PDS5B: variants seen among roughly 807,000 people sequenced by gnomAD.
PDS5B encodes PDS5 cohesin associated factor B, also known as sister chromatid cohesion protein PDS5 homolog B.
In PDS5B, 51 loss-of-function variants were observed where a neutral mutation model predicts 184.1. That is an observed-to-expected ratio of 0.28 (90% CI 0.22 to 0.35). The LOEUF (loss-of-function observed/expected upper bound fraction) is 0.35. Ranked by LOEUF, PDS5B falls within the 10% of genes least tolerant of loss-of-function variation. PDS5B has a pLI of 1.00. For synonymous variants in PDS5B, 566 were observed against 569.2 expected, an observed-to-expected ratio of 0.99 and a Z score of 0.08; for missense variants, 1,180 against 1,723.3, an observed-to-expected ratio of 0.68 and a Z score of 5.58.
chr13:32,762,764 C>A (rs183638343), intron 30 of PDS5B, among the ~76,000 whole-genome samples: 304 of 152,106 alleles, frequency 2.0e-3, no homozygotes, highest in Non-Finnish European at 2.6e-3. Context: ...TCATTTAGTT[C>A]ATTTTCTTTC....
chr13:32,756,246 CT>C (rs1954174473), intron 26 of PDS5B, among the ~76,000 whole-genome samples: 1 of 152,068 alleles, frequency 6.6e-6, no homozygotes, highest in Non-Finnish European at 1.5e-5. Context: ...CATTTCTTAT[CT>C]TTTCCTTCTT....
At chr13:32,683,583 G>A (rs540754625) in intron 10 of PDS5B, among the ~76,000 whole-genome samples, 1 of 152,168 alleles carries the variant, frequency 6.6e-6, no homozygotes, top group East Asian at 1.9e-4. Context: ...GCCTCCCAAA[G>A]TGCTGGGATT....
intron 1 of PDS5B, among the ~76,000 whole-genome samples, chr13:32,598,117 C>G (rs957726756): frequency 6.6e-6 from 1 of 151,972 alleles, no homozygotes; most frequent in African/African-American, 2.4e-5. Context: ...ACTCTGTCAC[C>G]TAGGCTGGGG....
In PDS5B at chr13:32,775,257, GT is replaced by G. The variant is rs1593675025; in HGVS notation, c.*206del. The G allele has an allele frequency of 3.7e-5, 21 of 570,480 alleles. No homozygotes were observed. In the East Asian group the frequency reaches 6.0e-4, roughly 16 times the overall value. 35.3% of individuals were successfully genotyped at this position (570,480 alleles called of 1,614,324 possible). ...ATGGTAACATTGACTATGGAGTCTT[GT>G]GAAAGTGTAATGTGCGATGGCTATG... is the stretch of plus-strand genomic sequence containing the variant. On this transcript the variant is annotated 3_prime_UTR_variant, in exon 35 of 35. Coordinates refer to ENST00000315596, the MANE Select transcript of PDS5B (RefSeq NM_015032.4).
chr13:32,665,331 T>C lies in PDS5B; in HGVS notation c.625-2433T>C, dbSNP rs139035038. Among the ~76,000 whole-genome samples, 1,279 of 151,928 alleles carry C rather than the reference T, an allele frequency of 8.4e-3. 18 individuals are homozygous for C. The highest frequency in any genetic ancestry group is 0.029 in the African/African-American group (1,206 of 41,490). On this transcript the variant is annotated intron_variant, in intron 6 of 34. Coordinates refer to ENST00000315596, the MANE Select transcript of PDS5B (RefSeq NM_015032.4). ...TGGGGGCTGGGCACAGTGGCTCAAGTCTGTAATCCCAGCACTTTGGGAGGC... is the reference window on the plus strand; with the variant it reads ...TGGGGGCTGGGCACAGTGGCTCAAGCCTGTAATCCCAGCACTTTGGGAGGC...
intron 29 of PDS5B, 77 bp downstream of exon 29, chr13:32,759,767 G>T: frequency 1.5e-6 from 1 of 660,034 alleles, no homozygotes. Context: ...GTGTTATTTT[G>T]TATTTCTTCA....
At position 32,670,858 on chromosome 13, in the gene PDS5B, A is replaced by G. The variant is rs182194953; in HGVS notation, c.706-2358A>G. 5.3e-5 allele frequency among the ~76,000 whole-genome samples: 8 copies of G among 152,272 alleles called. No individual in the cohort carries two copies. The East Asian group carries it at 1.3e-3, about 26-fold the overall frequency. On this transcript the variant is annotated intron_variant, in intron 7 of 34. Transcript: ENST00000315596. Reference sequence around the variant, plus strand: ...ACCTGCAATGCTTGGGTGGTGGTGGAGAATGTGTTATTTAATGTGAAATAT... The same window carrying G: ...ACCTGCAATGCTTGGGTGGTGGTGGGGAATGTGTTATTTAATGTGAAATAT...
intron 19 of PDS5B, among the ~76,000 whole-genome samples, chr13:32,730,811 T>C (rs1395074773): frequency 6.6e-6 from 1 of 152,234 alleles, no homozygotes; most frequent in Non-Finnish European, 1.5e-5. Context: ...CCTGAGACTT[T>C]GTTGAAATTG....
intron 19 of PDS5B, among the ~76,000 whole-genome samples, chr13:32,715,760 C>G (rs376857733): frequency 0.022 from 3,332 of 152,214 alleles, 90 homozygotes; most frequent in African/African-American, 0.069. Context: ...ACCTCCCTGC[C>G]TGATTCTCCT....
In PDS5B at chr13:32,678,938, T is replaced by C; in HGVS notation, c.1057+9T>C. The stretch of plus-strand genomic sequence containing the variant: ...AGCAAAAGACTTAACAGGTACTATA[T>C]ATATGTAACAGCAAATATTCTTACG... On this transcript the variant is annotated intron_variant, in intron 10 of 34. Transcript: ENST00000315596. The C allele has an allele frequency of 1.4e-6, 2 of 1,389,242 alleles. No individual in the cohort carries two copies. 86.1% of individuals were successfully genotyped at this position (1,389,242 alleles called of 1,614,324 possible). A position where few individuals can be genotyped will look rare whatever the true frequency, so the allele number is the denominator to read the frequency against.
intron 19 of PDS5B, among the ~76,000 whole-genome samples, chr13:32,715,807 C>T (rs372711365): frequency 0.025 from 3,753 of 152,248 alleles, 92 homozygotes; most frequent in African/African-American, 0.07. Context: ...TGCAGGTGCG[C>T]GCCGCCACGC....
chr13:32,766,157 A>G (rs1954580747), intron 31 of PDS5B, among the ~76,000 whole-genome samples: 2 of 152,228 alleles, frequency 1.3e-5, no homozygotes, highest in Non-Finnish European at 2.9e-5. Context: ...TGCTTTAAGC[A>G]GAGAGCTCAT....
chr13:32,606,559 C>G (rs1212467304), intron 1 of PDS5B, among the ~76,000 whole-genome samples: 1 of 152,244 alleles, frequency 6.6e-6, no homozygotes, highest in Non-Finnish European at 1.5e-5. Flanking sequence ...AGTTGCCCTT[C>G]TCGAGGAGTA....
chr13:32,728,862 T>C (rs1288359800), intron 19 of PDS5B, among the ~76,000 whole-genome samples: 1 of 152,194 alleles, frequency 6.6e-6, no homozygotes, highest in Non-Finnish European at 1.5e-5. Flanking sequence ...CCTCTTGTTA[T>C]AGTTTTTTAA....
chr13:32,709,982 G>C lies in PDS5B; in HGVS notation c.1999G>C (p.Ala667Pro), dbSNP rs775936578. 4.0e-6 allele frequency: 6 copies of C among 1,501,232 alleles called. No homozygotes were observed. The highest frequency in any genetic ancestry group is 5.4e-6 in the Non-Finnish European group (6 of 1,108,086). 93.0% of individuals were successfully genotyped at this position (1,501,232 alleles called of 1,614,324 possible). A position where few individuals can be genotyped will look rare whatever the true frequency, so the allele number is the denominator to read the frequency against. Residue 667 changes from alanine to proline, a missense_variant, in exon 19 of 35, where the codon GCT (alanine) becomes CCT (proline). This residue lies in a region of PDS5B where 475 missense variants were observed against 691.5 expected (regional missense o/e 0.69). Coordinates refer to ENST00000315596, the MANE Select transcript of PDS5B (RefSeq NM_015032.4). ...SFTHPISFHS[A>P]ETFESLLACL... ...TACACATCCCATCTCATTTCATTCT[G>C]CTGAAACATTTGAATCATTACTGGC...
At chr13:32,613,849 C>CT (rs2058179337) in intron 1 of PDS5B, among the ~76,000 whole-genome samples, 1 of 152,126 alleles carries the variant, frequency 6.6e-6, no homozygotes, top group South Asian at 2.1e-4. Flanking sequence ...GTTTTTGCCT[C>CT]TAAGAATTTT....
chr13:32,705,017 G>A (rs1457031438), intron 17 of PDS5B, among the ~76,000 whole-genome samples: 1 of 152,046 alleles, frequency 6.6e-6, no homozygotes, highest in Non-Finnish European at 1.5e-5. Flanking sequence ...TTTCAGGTAG[G>A]TGCTTTCCCA....
intron 5 of PDS5B, 34 bp downstream of exon 5, chr13:32,658,565 A>G (rs1275508175): frequency 1.8e-6 from 2 of 1,103,450 alleles, no homozygotes; most frequent in African/African-American, 1.6e-5. Context: ...TAACATTAAA[A>G]AAAGGTAACA....
intron 15 of PDS5B, among the ~76,000 whole-genome samples, chr13:32,698,877 C>T (rs952091605): frequency 1.2e-4 from 18 of 152,012 alleles, no homozygotes; most frequent in African/African-American, 3.9e-4. Context: ...CTCAGCCTCC[C>T]GAGTAGCTGG....
Sources: gnomAD v4.1 joint callset for allele counts (sites outside exome capture counted in the v4.1 genomes callset) on GRCh38, gnomAD v4.1.1 for gene constraint, gnomAD v4.1.1 regional missense constraint, MANE v1.5 for transcripts, NCBI Gene and HGNC (gene_info 2026-07-23, HGNC 2026-07-21) for gene names.